The following DENND2C variants were observed in gnomAD, a reference collection of about 807,000 sequenced individuals.
DENND2C encodes the protein DENN domain containing 2C, also known as DENN domain-containing protein 2C.
Under a neutral mutation model 112.4 loss-of-function variants are expected in DENND2C, and 72 were observed. The observed-to-expected ratio is 0.64, with a 90% CI of 0.53 to 0.78. The LOEUF (loss-of-function observed/expected upper bound fraction) is 0.78, where lower values mean the gene tolerates loss of function less well. Among genes scored for constraint, DENND2C ranks in the 30% least tolerant of loss-of-function variants. The pLI is 0.00. For missense variants in DENND2C, 992 were observed against 1,113.8 expected, an observed-to-expected ratio of 0.89 and a Z score of 1.56; for synonymous variants, 329 against 381.6, an observed-to-expected ratio of 0.86 and a Z score of 1.61.
At chr1:114,624,713 C>T (rs1656282173) in intron 4 of DENND2C, among the ~76,000 whole-genome samples, 1 of 151,848 alleles carries the variant, frequency 6.6e-6, no homozygotes, top group Non-Finnish European at 1.5e-5. Context: ...GCTCAGCCTC[C>T]CAGGTTCAAG....
chr1:114,590,126 G>C (rs1655144088), intron 18 of DENND2C, among the ~76,000 whole-genome samples: 1 of 152,086 alleles, frequency 6.6e-6, no homozygotes, highest in Admixed American at 6.5e-5. Flanking sequence ...AGCTAAAATG[G>C]CTCATGCCTG....
intron 11 of DENND2C, among the ~76,000 whole-genome samples, chr1:114,603,539 C>T (rs1655578063): frequency 6.6e-6 from 1 of 151,068 alleles, no homozygotes; most frequent in Admixed American, 6.6e-5. Context: ...TTCCTTCCTT[C>T]CTTTTATTAT....
chr1:114,603,387 C>G (rs1194197078), intron 11 of DENND2C, among the ~76,000 whole-genome samples: 1 of 151,988 alleles, frequency 6.6e-6, no homozygotes, highest in African/African-American at 2.4e-5. Context: ...GATCCACCCG[C>G]CTTGGCCTGG....
intron 17 of DENND2C, 51 bp from the exon 18 acceptor site, chr1:114,594,629 T>A: frequency 6.7e-7 from 1 of 1,489,542 alleles, no homozygotes; most frequent in Middle Eastern, 1.8e-4. Context: ...ATTTGAGGGA[T>A]TAAGTCTCAA....
intron 1 of DENND2C, among the ~76,000 whole-genome samples, chr1:114,659,790 TCC>T (rs1657441786): frequency 7.6e-6 from 1 of 130,820 alleles, no homozygotes; most frequent in Non-Finnish European, 1.6e-5. Flanking sequence ...CTTCCCTCCC[TCC>T]CTCCCTCCCT....
intron 18 of DENND2C, 27 bp from the exon 19 acceptor site, chr1:114,587,979 G>A (rs770314062): frequency 7.7e-5 from 122 of 1,587,666 alleles, no homozygotes; most frequent in South Asian, 7.4e-4. Flanking sequence ...AAGAAAAAAA[G>A]AAAAAAATCT....
At chr1:114,615,970 G>A (rs1249150978) in intron 8 of DENND2C, among the ~76,000 whole-genome samples, 1 of 152,168 alleles carries the variant, frequency 6.6e-6, no homozygotes, top group Admixed American at 6.5e-5. Flanking sequence ...AGCTACTCGG[G>A]AGGCTGAGGC....
At chr1:114,655,950 T>G (rs528829654) in intron 1 of DENND2C, among the ~76,000 whole-genome samples, 192 of 150,736 alleles carry the variant, frequency 1.3e-3, no homozygotes, top group African/African-American at 4.5e-3. Flanking sequence ...TTTTCTTCGT[T>G]TCTGTATACT....
At chr1:114,616,483 C>T (rs752368034) in intron 8 of DENND2C, among the ~76,000 whole-genome samples, 21 of 152,120 alleles carry the variant, frequency 1.4e-4, no homozygotes, top group Non-Finnish European at 2.4e-4. Context: ...GTGTTTCTCA[C>T]TAAGGAACTT....
chr1:114,659,823 A>C (rs1570818518), intron 1 of DENND2C, among the ~76,000 whole-genome samples: 1 of 118,144 alleles, frequency 8.5e-6, no homozygotes, highest in East Asian at 2.6e-4. Context: ...CCAAGGTCTT[A>C]TCCTCTTGCC....
intron 16 of DENND2C, among the ~76,000 whole-genome samples, chr1:114,597,120 AG>A (rs1331500955): frequency 1.3e-5 from 2 of 152,298 alleles, no homozygotes; most frequent in African/African-American, 4.8e-5. Context: ...GGCAAGCCAC[AG>A]ACAAAGGGGC....
At chr1:114,594,689 T>C (rs916401530) in intron 17 of DENND2C, 111 bp from the exon 18 acceptor site, 3 of 870,042 alleles carry the variant, frequency 3.4e-6, no homozygotes, top group Non-Finnish European at 5.3e-6. Context: ...GTATATATTT[T>C]GGCTAAAGAG....
At chr1:114,638,789 GAA>G (rs529570234) in intron 3 of DENND2C, among the ~76,000 whole-genome samples, 1 of 135,424 alleles carries the variant, frequency 7.4e-6, no homozygotes, top group African/African-American at 2.7e-5. Flanking sequence ...AGAGAAAAAA[GAA>G]AAAAAAAGAA....
chr1:114,593,681 G>A (rs990281916), intron 18 of DENND2C, among the ~76,000 whole-genome samples: 1 of 152,100 alleles, frequency 6.6e-6, no homozygotes, highest in Non-Finnish European at 1.5e-5. Context: ...GTTGAGGCAG[G>A]AGGATTGCTT....
At chr1:114,608,410 G>A (rs1383095033) in intron 10 of DENND2C, among the ~76,000 whole-genome samples, 1 of 152,210 alleles carries the variant, frequency 6.6e-6, no homozygotes, top group Non-Finnish European at 1.5e-5. Context: ...CCTTAAGGAT[G>A]AGAAAACTAA....
intron 17 of DENND2C, 21 bp downstream of exon 17, chr1:114,595,811 A>G: frequency 6.2e-7 from 1 of 1,604,928 alleles, no homozygotes; most frequent in Non-Finnish European, 8.5e-7. Context: ...AACATAAGTA[A>G]TTACCTCCTT....
rs189506550 is a variant in DENND2C at position 114,623,608 on chromosome 1, C to T, written c.842G>A (p.Arg281Gln). Residue 281 changes from arginine (R) to glutamine (Q), a missense_variant, in exon 5 of 21, where the codon CGA (arginine) becomes CAA (glutamine). Around this residue, in one of 3 missense-constraint regions of DENND2C, gnomAD observed 470 missense variants for 472.7 expected, o/e 0.99. Transcript: ENST00000393274. ...SFEFEDIQHF[R>Q]NRNSQTIREE... ...ACGAATCGTCTGTGAGTTCCGATTT[C>T]GAAAGTGCTGAATATCCTCAAATTC... 2.7e-5 allele frequency: 43 copies of T among 1,605,284 alleles called. No homozygotes were observed. Among genetic ancestry groups the T allele is most frequent in the South Asian group, 1.2e-4 (11 of 89,824 alleles).
intron 5 of DENND2C, 124 bp downstream of exon 5, chr1:114,623,383 C>T: frequency 1.1e-6 from 1 of 942,060 alleles, no homozygotes; most frequent in Non-Finnish European, 1.5e-6. Flanking sequence ...CCAAACGTTT[C>T]CATGCTAAAG....
intron 3 of DENND2C, among the ~76,000 whole-genome samples, chr1:114,644,907 G>A (rs1344078070): frequency 6.6e-6 from 1 of 152,036 alleles, no homozygotes; most frequent in Non-Finnish European, 1.5e-5. Flanking sequence ...TTTATAAATT[G>A]TAAACATAAA....
Sources: allele counts gnomAD v4.1 joint callset (sites outside exome capture counted in the v4.1 genomes callset), GRCh38; gene constraint gnomAD v4.1.1; regional missense constraint gnomAD v4.1.1; transcripts MANE v1.5; gene names NCBI Gene and HGNC (gene_info 2026-07-23, HGNC 2026-07-21).